CEP152: variants seen among roughly 807,000 people sequenced by gnomAD.
CEP152 encodes centrosomal protein of 152 kDa.
CEP152 carries 132 observed loss-of-function variants against 188.9 expected under a neutral mutation model. That is an observed-to-expected ratio of 0.70 (90% CI 0.61 to 0.81). The LOEUF is 0.81. Among genes scored for constraint, CEP152 ranks in the 30% least tolerant of loss-of-function variants. CEP152 has a pLI of 0.00. For synonymous variants in CEP152, 649 were observed against 666.6 expected (o/e 0.97, Z 0.41); for missense variants, 1,914 against 1,969.8 (o/e 0.97, Z 0.54).
In CEP152 at chr15:48,738,775, T is replaced by C; in HGVS notation, c.4607A>G (p.Tyr1536Cys). 6.2e-7 allele frequency: 1 copy of C among 1,614,224 alleles called. No individual in the cohort carries two copies. The highest frequency in any genetic ancestry group is 8.5e-7 in the Non-Finnish European group (1 of 1,180,012). ...DSNERLGLKV[Y>C]KCNPLMESEN... ...ACTTTCCATTAGTGGATTGCATTTA[T>C]ATACTTTTAAACCAAGTCTTTCATT... The change falls in exon 27 of 27, where the codon TAT becomes TGT. Residue 1536 changes from tyrosine (Y) to cysteine (C), a missense_variant. Tyr to Cys is a radical substitution (Grantham distance 194). Transcript: ENST00000380950.
At chr15:48,795,779 C>T (rs969449740) in intron 6 of CEP152, among the ~76,000 whole-genome samples, 1 of 152,166 alleles carries the variant, frequency 6.6e-6, no homozygotes, top group African/African-American at 2.4e-5. Context: ...TCCCACCCAA[C>T]ATTACCCCTC....
chr15:48,764,357 T>G (rs1484747946), intron 17 of CEP152, among the ~76,000 whole-genome samples: 1 of 152,184 alleles, frequency 6.6e-6, no homozygotes, highest in East Asian at 1.9e-4. Flanking sequence ...CCACCTGCAG[T>G]TTGCTTACAT....
rs1893831492 is a variant in CEP152 at position 48,750,958 on chromosome 15, T to C, written c.3466+1391A>G. 2.6e-5 allele frequency among the ~76,000 whole-genome samples: 4 copies of C among 152,180 alleles called. 1 individual carries two copies. The highest frequency in any genetic ancestry group is 1.3e-4 in the Admixed American group (2 of 15,272). On this transcript the variant is annotated intron_variant, in intron 21 of 26. Transcript: ENST00000380950. ...CTTAAGCTGAATAATGGGTTCCTGG[T>C]TGCTAGGCTTCATAACTTACAGATG...
chr15:48,789,114 T>C, intron 8 of CEP152, 113 bp from the exon 9 acceptor site: 3 of 997,528 alleles, frequency 3.0e-6, no homozygotes, highest in South Asian at 2.7e-5. Context: ...CATGTTTTAA[T>C]GAGAGTAGAG....
At chr15:48,794,259 G>T (rs1897161782) in intron 6 of CEP152, among the ~76,000 whole-genome samples, 1 of 151,592 alleles carries the variant, frequency 6.6e-6, no homozygotes, top group African/African-American at 2.4e-5. Flanking sequence ...TTTAAAAAGA[G>T]AAAAAAAATG....
At chr15:48,792,816 G>C (rs1431502417) in intron 7 of CEP152, among the ~76,000 whole-genome samples, 1 of 151,398 alleles carries the variant, frequency 6.6e-6, no homozygotes, top group African/African-American at 2.4e-5. Context: ...CCAAAATAGA[G>C]TGTCTTTTTT....
At chr15:48,752,742 T>G (rs1343095560) in intron 20 of CEP152, among the ~76,000 whole-genome samples, 1 of 152,198 alleles carries the variant, frequency 6.6e-6, no homozygotes, top group Non-Finnish European at 1.5e-5. Flanking sequence ...TTGCACATTA[T>G]ATATGTGAAT....
chr15:48,766,251 T>A (rs1895080239), intron 17 of CEP152, among the ~76,000 whole-genome samples: 2 of 152,246 alleles, frequency 1.3e-5, no homozygotes, highest in South Asian at 4.1e-4. Flanking sequence ...TAGCTTGCTT[T>A]AACATAACTT....
chr15:48,763,730 T>A (rs181951434), intron 17 of CEP152, among the ~76,000 whole-genome samples: 158 of 152,286 alleles, frequency 1.0e-3, no homozygotes, highest in African/African-American at 3.7e-3. Context: ...TTTGTTTTCA[T>A]TTCTAAATAA....
At chr15:48,798,547 T>C (rs1168154131) in intron 2 of CEP152, among the ~76,000 whole-genome samples, 1 of 152,166 alleles carries the variant, frequency 6.6e-6, no homozygotes, top group East Asian at 1.9e-4. Context: ...GCTCTGATAA[T>C]GTAGAAACCC....
In CEP152 at chr15:48,768,326, T is replaced by C. The variant is rs1895277939; in HGVS notation, c.1911A>G (p.Glu637=). The stretch of plus-strand genomic sequence containing the variant: ...TCAGTTTTCCTTCAGTTTCTTTAAG[T>C]TCCTAGACACAAAAGAATAAACTTA... ...EIQVLQQQNQ[E]LKETEGKLRN... The change falls in exon 15 of 27, where the codon GAA becomes GAG. Residue 637 remains glutamate, a splice_region_variant and synonymous_variant. Transcript: ENST00000380950. The C allele has an allele frequency of 2.6e-6, 4 of 1,509,680 alleles. No individual in the cohort carries two copies. Among genetic ancestry groups the C allele is most frequent in the Admixed American group, 3.3e-5 (2 of 59,802 alleles). 93.5% of individuals were successfully genotyped at this position (1,509,680 alleles called of 1,614,324 possible).
rs754041296 is a variant in CEP152, at chr15:48,797,684, G to A, written c.238C>T (p.Leu80=). ...ACATTTACACTTTGAGATTTGGGCAGCATTTGCTCATTCCAGCTCATCTCC... is the reference window on the plus strand; with the variant it reads ...ACATTTACACTTTGAGATTTGGGCAACATTTGCTCATTCCAGCTCATCTCC... ...QLEMSWNEQM[L]PKSQSVNGYN... is the part of the protein sequence containing the mutation. Residue 80 remains leucine (L), a synonymous_variant, in exon 4 of 27, where the codon CTG becomes TTG. Coordinates refer to ENST00000380950, the MANE Select transcript of CEP152 (RefSeq NM_001194998.2). 1 of 1,614,118 alleles carries A rather than the reference G, an allele frequency of 6.2e-7. No homozygotes were observed. The highest frequency in any genetic ancestry group is 8.5e-7 in the Non-Finnish European group (1 of 1,180,002).
intron 2 of CEP152, 25 bp downstream of exon 2, chr15:48,805,538 T>TC: frequency 7.2e-7 from 1 of 1,396,640 alleles, no homozygotes; most frequent in South Asian, 1.3e-5. Flanking sequence ...AGTGTCTCTT[T>TC]TTTTTTTTTT....
Position 48,782,237 on chromosome 15 carries a change from A to G in CEP152, c.1322-7T>C. The G allele has an allele frequency of 1.2e-6, 2 of 1,613,350 alleles. No homozygotes were observed. The highest frequency in any genetic ancestry group is 8.5e-7 in the Non-Finnish European group (1 of 1,179,402). The stretch of plus-strand genomic sequence containing the variant: ...GCCACCTCTTGTACTGACCCTGCAG[A>G]GGAAAGAACCATAGGATATACTGAA... On this transcript the variant is annotated splice_polypyrimidine_tract_variant and splice_region_variant and intron_variant, in intron 10 of 26. Transcript: ENST00000380950.
intron 1 of CEP152, among the ~76,000 whole-genome samples, chr15:48,808,137 G>GTAATA (rs1287574950): frequency 6.6e-6 from 1 of 151,370 alleles, no homozygotes; most frequent in Non-Finnish European, 1.5e-5. Flanking sequence ...TAGTAAAAAG[G>GTAATA]TAATACATAT....
chr15:48,789,263 C>T (rs897840210), intron 8 of CEP152: 9 of 503,418 alleles, frequency 1.8e-5, no homozygotes, highest in Non-Finnish European at 2.5e-5. Flanking sequence ...GAGGATTTTG[C>T]GCAGCATGAT....
intron 2 of CEP152, among the ~76,000 whole-genome samples, chr15:48,730,162 C>G (rs1441411802): frequency 1.3e-5 from 2 of 152,162 alleles, no homozygotes; most frequent in Non-Finnish European, 2.9e-5. Flanking sequence ...CCATTCCGCT[C>G]CCCAGCTTGA....
At chr15:48,757,597 C>T in intron 19 of CEP152, among the ~76,000 whole-genome samples, 1 of 152,102 alleles carries the variant, frequency 6.6e-6, no homozygotes, top group East Asian at 1.9e-4. Context: ...AAAGAAGGCA[C>T]AAGGACGCAC....
chr15:48,768,891 T>C lies in CEP152; in HGVS notation c.1908+65A>G, dbSNP rs1360293959. Reference sequence around the variant, plus strand: ...GCCTCTTTATTTGCAAAAACTCTATTATATCCTTTGTATTTAATGAGGAAA... The same window carrying C: ...GCCTCTTTATTTGCAAAAACTCTATCATATCCTTTGTATTTAATGAGGAAA... On this transcript the variant is annotated intron_variant, in intron 14 of 26. Transcript: ENST00000380950. The C allele has an allele frequency of 4.8e-6, 6 of 1,249,756 alleles. No individual in the cohort carries two copies. In the African/African-American group the frequency reaches 6.0e-5, roughly 13 times the overall value. The allele number at this position is 1,249,756 out of a possible 1,614,324, so 77.4% of individuals were successfully genotyped here.
Sources: gnomAD v4.1 joint callset for allele counts (sites outside exome capture counted in the v4.1 genomes callset) on GRCh38, gnomAD v4.1.1 for gene constraint, MANE v1.5 for transcripts, NCBI Gene and HGNC (gene_info 2026-07-23, HGNC 2026-07-21) for gene names.